GPCPD1: variants seen among roughly 807,000 people sequenced by gnomAD.
GPCPD1 encodes the protein glycerophosphocholine phosphodiesterase 1, also known as glycerophosphocholine phosphodiesterase GPCPD1.
GPCPD1 carries 29 observed loss-of-function variants against 89.2 expected under a neutral mutation model. The observed-to-expected ratio is 0.33, with a 90% CI of 0.24 to 0.44. GPCPD1 has a LOEUF of 0.44. GPCPD1 is among the 20% of genes least tolerant of loss of function. The pLI is 1.00. For synonymous variants in GPCPD1, 258 were observed against 266.3 expected, an observed-to-expected ratio of 0.97 and a Z score of 0.30; for missense variants, 594 against 808.9, an observed-to-expected ratio of 0.73 and a Z score of 3.22.
chr20:5,559,910 G>T (rs758764160), intron 17 of GPCPD1, 30 bp downstream of exon 17: 4 of 1,335,358 alleles, frequency 3.0e-6, no homozygotes, highest in Non-Finnish European at 4.1e-6. Flanking sequence ...CATTCTAAGA[G>T]TATAGGAAAA....
intron 17 of GPCPD1, among the ~76,000 whole-genome samples, chr20:5,559,524 G>A (rs1225923209): frequency 6.6e-6 from 1 of 152,224 alleles, no homozygotes; most frequent in African/African-American, 2.4e-5. Flanking sequence ...GGTCAGGGCT[G>A]CAGTGTCATC....
intron 14 of GPCPD1, 148 bp from the exon 15 acceptor site, chr20:5,565,226 C>A (rs1418428349): frequency 8.8e-6 from 5 of 571,150 alleles, no homozygotes; most frequent in Non-Finnish European, 1.2e-5. Context: ...CTCTGAGATC[C>A]CTTTTTTTTT....
At chr20:5,601,796 C>T (rs1980175458) in intron 2 of GPCPD1, among the ~76,000 whole-genome samples, 1 of 152,194 alleles carries the variant, frequency 6.6e-6, no homozygotes, top group South Asian at 2.1e-4. Context: ...AAAATGGGGA[C>T]TCAGTGGTTC....
At position 5,565,056 on chromosome 20, in the gene GPCPD1, A is replaced by G; in HGVS notation, c.1290T>C (p.Asn430=). The change falls in exon 15 of 20, where the codon AAT becomes AAC. Residue 430 remains asparagine, a synonymous_variant. Coordinates refer to ENST00000379019, the MANE Select transcript of GPCPD1 (RefSeq NM_019593.5). ...DRKESVVQEE[N]SFSENQPFPS... is the part of the protein sequence containing the mutation. ...GAAATGGCTGATTTTCTGAAAAGGAATTTTCCTCCTGAACCACAGATTCTG... is the reference window on the plus strand; with the variant it reads ...GAAATGGCTGATTTTCTGAAAAGGAGTTTTCCTCCTGAACCACAGATTCTG... 1 of 1,547,166 alleles carries G rather than the reference A, an allele frequency of 6.5e-7. No individual in the cohort carries two copies. The highest frequency in any genetic ancestry group is 8.9e-7 in the Non-Finnish European group (1 of 1,119,196).
chr20:5,599,453 C>A lies in GPCPD1; in HGVS notation c.50-632G>T, dbSNP rs146670377. 7.0e-3 allele frequency among the ~76,000 whole-genome samples: 1,068 copies of A among 152,108 alleles called. 12 individuals carry two copies. Among genetic ancestry groups the A allele is most frequent in the African/African-American group, 0.024 (981 of 41,498 alleles). On this transcript the variant is annotated intron_variant, in intron 2 of 19. Coordinates refer to ENST00000379019, the MANE Select transcript of GPCPD1 (RefSeq NM_019593.5). ...CTATACTCCAGCCTGGGCAACAGGG[C>A]AAGACTCCATCTCAAAAACAACAGA...
chr20:5,558,834 T>C lies in GPCPD1; in HGVS notation c.1533-15A>G. The C allele has an allele frequency of 6.5e-7, 1 of 1,537,194 alleles. No homozygotes were observed. Among genetic ancestry groups the C allele is most frequent in the Non-Finnish European group, 8.8e-7 (1 of 1,137,524 alleles). ...TTTGCCGAACCCTGAAAAGAAACAA[T>C]TTTAAAAATACCTTTCAATGGGGGG... On this transcript the variant is annotated splice_polypyrimidine_tract_variant and intron_variant, in intron 17 of 19. Transcript: ENST00000379019.
rs1279634539 is a variant in GPCPD1 at position 5,554,188 on chromosome 20, G to A, written c.1829+3757C>T. Among the ~76,000 whole-genome samples the A allele has an allele frequency of 2.2e-5, 2 of 91,744 alleles. 1 individual carries two copies. The highest frequency in any genetic ancestry group is 4.5e-5 in the Non-Finnish European group (2 of 44,870). The allele number at this position is 91,744 out of a possible 152,430, so 60.2% of individuals were successfully genotyped here. On this transcript the variant is annotated intron_variant, in intron 19 of 19. Transcript: ENST00000379019. ...TTTAGTAGAGACGGGTTTTCACCGT[G>A]TTAGCCAGGATGGTCTCCATCTCCT...
chr20:5,553,956 T>C lies in GPCPD1; in HGVS notation c.1829+3989A>G, dbSNP rs888599534. ...AAGATCACTTAACAAAGTGGCTACA[T>C]TGAACAACAGATTTTCTTTTCTTTT... On this transcript the variant is annotated intron_variant, in intron 19 of 19. Coordinates refer to ENST00000379019, the MANE Select transcript of GPCPD1 (RefSeq NM_019593.5). 6.8e-5 allele frequency among the ~76,000 whole-genome samples: 6 copies of C among 87,614 alleles called. 1 individual carries two copies. The highest frequency in any genetic ancestry group is 2.2e-4 in the African/African-American group (4 of 18,536). The allele number at this position is 87,614 out of a possible 152,430, so 57.5% of individuals were successfully genotyped here.
At chr20:5,561,957 G>C (rs1986109354) in intron 15 of GPCPD1, among the ~76,000 whole-genome samples, 1 of 152,178 alleles carries the variant, frequency 6.6e-6, no homozygotes, top group Non-Finnish European at 1.5e-5. Flanking sequence ...ATGATGTTTA[G>C]ATTGTTTTGA....
chr20:5,576,670 A>G (rs1158741589), intron 8 of GPCPD1, among the ~76,000 whole-genome samples: 1 of 152,190 alleles, frequency 6.6e-6, no homozygotes, highest in Non-Finnish European at 1.5e-5. Context: ...TTGTAAGACT[A>G]AGATATATTT....
intron 8 of GPCPD1, among the ~76,000 whole-genome samples, chr20:5,576,549 C>T (rs1354160004): frequency 6.6e-6 from 1 of 151,972 alleles, no homozygotes; most frequent in African/African-American, 2.4e-5. Flanking sequence ...GACTTGATGG[C>T]TTCTCTATGA....
intron 12 of GPCPD1, 95 bp from the exon 13 acceptor site, chr20:5,567,655 A>G (rs1368371756): frequency 4.4e-6 from 5 of 1,146,076 alleles, no homozygotes; most frequent in Admixed American, 5.7e-5. Flanking sequence ...CTTACACTAG[A>G]CAGGCCTAGC....
Position 5,565,134 on chromosome 20 carries a change from G to C in GPCPD1, c.1268-56C>G, listed in dbSNP as rs1600729420. 2.0e-5 allele frequency: 18 copies of C among 887,202 alleles called. No individual in the cohort carries two copies. In the East Asian group the frequency reaches 4.3e-4, roughly 21 times the overall value. The allele number at this position is 887,202 out of a possible 1,614,324, so 55.0% of individuals were successfully genotyped here. ...ATAAAATGCCACTATATCACTAAGA[G>C]CTTTCTTAAATCCTTAGTGCCAAAA... On this transcript the variant is annotated intron_variant, in intron 14 of 19. Transcript: ENST00000379019.
intron 4 of GPCPD1, among the ~76,000 whole-genome samples, chr20:5,590,542 C>CAAAAAAAAA (rs71197771): frequency 1.9e-4 from 15 of 78,984 alleles, no homozygotes; most frequent in African/African-American, 7.4e-4. Flanking sequence ...GACTCTGTCT[C>CAAAAAAAAA]AAAAAAAAAA....
chr20:5,582,365 G>A (rs1443761835), intron 6 of GPCPD1, among the ~76,000 whole-genome samples: 1 of 151,880 alleles, frequency 6.6e-6, no homozygotes, highest in Non-Finnish European at 1.5e-5. Context: ...CAAAATCAAG[G>A]AAAAGATGTC....
chr20:5,576,138 C>T (rs753771510), intron 8 of GPCPD1, among the ~76,000 whole-genome samples, 160 bp from the exon 9 acceptor site: 2 of 150,842 alleles, frequency 1.3e-5, no homozygotes, highest in Middle Eastern at 3.2e-3. Flanking sequence ...TCAGTATTTT[C>T]GGCCGGGGTC....
chr20:5,567,420 T>A, intron 13 of GPCPD1, 63 bp downstream of exon 13: 1 of 1,505,868 alleles, frequency 6.6e-7, no homozygotes, highest in Non-Finnish European at 8.8e-7. Context: ...CATAACCATA[T>A]ACAAGCAAGT....
At chr20:5,568,426 T>A (rs1463034883) in intron 12 of GPCPD1, among the ~76,000 whole-genome samples, 2 of 152,056 alleles carry the variant, frequency 1.3e-5, no homozygotes, top group Non-Finnish European at 2.9e-5. Context: ...GAAATACTTT[T>A]TTTTTTTCTA....
intron 12 of GPCPD1, among the ~76,000 whole-genome samples, chr20:5,569,689 C>G (rs1986598026): frequency 6.6e-6 from 1 of 152,150 alleles, no homozygotes; most frequent in Non-Finnish European, 1.5e-5. Context: ...TTTCCTACCC[C>G]CCTAGTTCTT....
Sources: allele counts gnomAD v4.1 joint callset (sites outside exome capture counted in the v4.1 genomes callset), GRCh38; gene constraint gnomAD v4.1.1; transcripts MANE v1.5; gene names NCBI Gene and HGNC (gene_info 2026-07-23, HGNC 2026-07-21).